The following RP1 variants were observed in gnomAD, a reference collection of about 807,000 sequenced individuals.
RP1 encodes the protein oxygen-regulated protein 1.
Under a neutral mutation model 14.8 loss-of-function variants are expected in RP1, and 16 were observed. The ratio of observed to expected loss-of-function variants is 1.08; its 90% CI spans 0.73 to 1.65. The LOEUF (loss-of-function observed/expected upper bound fraction) is 1.65, where lower values mean the gene tolerates loss of function less well. Among genes scored for constraint, RP1 ranks in the 40% most tolerant of loss-of-function variants. RP1 has a pLI of 0.00. For missense variants in RP1, 2,631 were observed against 2,535.0 expected, an observed-to-expected ratio of 1.04 and a Z score of -0.81; for synonymous variants, 876 against 883.6, an observed-to-expected ratio of 0.99 and a Z score of 0.15.
intron 27 of RP1, among the ~76,000 whole-genome samples, chr8:54,860,134 T>C (rs1370425476): frequency 1.3e-5 from 2 of 152,168 alleles, no homozygotes; most frequent in African/African-American, 4.8e-5. Context: ...CAAGGTTGTT[T>C]GATACAAAGA....
At chr8:54,736,523 C>T (rs1282535971) in intron 18 of RP1, among the ~76,000 whole-genome samples, 1 of 152,134 alleles carries the variant, frequency 6.6e-6, no homozygotes, top group African/African-American at 2.4e-5. Context: ...AAGGTGTGTG[C>T]CGTGCGCTGC....
At chr8:54,783,134 G>A (rs1480962340) in intron 23 of RP1, among the ~76,000 whole-genome samples, 1 of 152,088 alleles carries the variant, frequency 6.6e-6, no homozygotes, top group Non-Finnish European at 1.5e-5. Flanking sequence ...TGTGTTACTA[G>A]TGTAGCTTGA....
At chr8:54,767,941 G>T (rs1293221775) in intron 22 of RP1, among the ~76,000 whole-genome samples, 2 of 152,214 alleles carry the variant, frequency 1.3e-5, no homozygotes, top group East Asian at 3.8e-4. Context: ...AATCCTGACA[G>T]CTGGGTAGGA....
chr8:54,584,335 T>C (rs1804866289), intron 1 of RP1, among the ~76,000 whole-genome samples: 1 of 152,238 alleles, frequency 6.6e-6, no homozygotes, highest in Non-Finnish European at 1.5e-5. Context: ...TAATCCTGAG[T>C]TCTAGTTTGA....
intron 19 of RP1, among the ~76,000 whole-genome samples, chr8:54,746,083 A>G (rs1288075393): frequency 6.6e-6 from 1 of 152,234 alleles, no homozygotes; most frequent in Non-Finnish European, 1.5e-5. Flanking sequence ...CATTATTAGG[A>G]TCATTCTCCC....
intron 24 of RP1, among the ~76,000 whole-genome samples, chr8:54,827,017 A>C (rs138385007): frequency 6.6e-6 from 1 of 152,246 alleles, no homozygotes; most frequent in African/African-American, 2.4e-5. Flanking sequence ...GAAAAGGTAC[A>C]GTAAAAATAT....
intron 19 of RP1, among the ~76,000 whole-genome samples, chr8:54,739,876 G>GCTGTTGTAATGTC (rs1809028748): frequency 6.6e-6 from 1 of 151,998 alleles, no homozygotes; most frequent in Non-Finnish European, 1.5e-5. Flanking sequence ...TGATGTCACA[G>GCTGTTGTAATGTC]CTGTTGTAAT....
chr8:54,833,780 A>G (rs1811592674), intron 24 of RP1, among the ~76,000 whole-genome samples: 1 of 152,038 alleles, frequency 6.6e-6, no homozygotes, highest in African/African-American at 2.4e-5. Flanking sequence ...AAAAATACAC[A>G]CACAAGCATC....
At chr8:54,839,449 G>A (rs979501876) in intron 25 of RP1, among the ~76,000 whole-genome samples, 3 of 152,172 alleles carry the variant, frequency 2.0e-5, no homozygotes, top group Non-Finnish European at 2.9e-5. Context: ...CTGATGATTC[G>A]GATAGGGGTC....
downstream of RP1, among the ~76,000 whole-genome samples, chr8:54,633,745 A>C (rs1303458986): frequency 2.4e-3 from 318 of 133,254 alleles, no homozygotes; most frequent in East Asian, 4.5e-3. Context: ...CTCTATATAT[A>C]TATATATATA....
intron 1 of RP1, among the ~76,000 whole-genome samples, chr8:54,591,518 C>T (rs1805042632): frequency 6.6e-6 from 1 of 152,074 alleles, no homozygotes; most frequent in African/African-American, 2.4e-5. Context: ...ACTGAGTGGC[C>T]TTATCACCTC....
intron 15 of RP1, among the ~76,000 whole-genome samples, chr8:54,713,891 G>C (rs1046164779): frequency 1.3e-5 from 2 of 152,286 alleles, no homozygotes; most frequent in East Asian, 3.9e-4. Flanking sequence ...CACTATTACT[G>C]AAATTGCCTT....
chr8:54,719,724 A>G (rs972464180), intron 15 of RP1, among the ~76,000 whole-genome samples: 2 of 152,232 alleles, frequency 1.3e-5, no homozygotes, highest in African/African-American at 4.8e-5. Flanking sequence ...ATTGGTTTAC[A>G]TTTAAATGTA....
chr8:54,830,479 G>A (rs970324876), intron 24 of RP1, among the ~76,000 whole-genome samples: 1 of 151,908 alleles, frequency 6.6e-6, no homozygotes, highest in African/African-American at 2.4e-5. Context: ...TATTCTTAAA[G>A]TCACTGTTAT....
downstream of RP1, among the ~76,000 whole-genome samples, chr8:54,771,343 G>T (rs540047831): frequency 6.6e-6 from 1 of 151,968 alleles, no homozygotes; most frequent in Non-Finnish European, 1.5e-5. Flanking sequence ...GAACTTGGTG[G>T]GGCATATGTG....
At chr8:54,623,921 A>G (rs1036413504) in intron 3 of RP1, among the ~76,000 whole-genome samples, 1 of 152,240 alleles carries the variant, frequency 6.6e-6, no homozygotes, top group African/African-American at 2.4e-5. Flanking sequence ...CAGTTTCAGT[A>G]CTGGTAAACA....
At chr8:54,774,033 G>A (rs1809975038), downstream of RP1, among the ~76,000 whole-genome samples, 1 of 152,164 alleles carries the variant, frequency 6.6e-6, no homozygotes, top group South Asian at 2.1e-4. Flanking sequence ...TAAATTTAAT[G>A]ATTAGTCTCA....
intron 1 of RP1, among the ~76,000 whole-genome samples, chr8:54,588,395 T>C (rs913832353): frequency 6.6e-6 from 1 of 152,058 alleles, no homozygotes; most frequent in African/African-American, 2.4e-5. Flanking sequence ...GGAGCTGAGG[T>C]TCAGAGAGGG....
intron 15 of RP1, among the ~76,000 whole-genome samples, chr8:54,716,150 G>A (rs567139019): frequency 3.3e-5 from 5 of 152,276 alleles, no homozygotes; most frequent in African/African-American, 7.2e-5. Flanking sequence ...GTTTGGAAGA[G>A]TAGCTACGAG....
Sources: gnomAD v4.1 joint callset for allele counts (sites outside exome capture counted in the v4.1 genomes callset) on GRCh38, gnomAD v4.1.1 for gene constraint, MANE v1.5 for transcripts, NCBI Gene and HGNC (gene_info 2026-07-23, HGNC 2026-07-21) for gene names.